PRKCB: variants seen among roughly 807,000 people sequenced by gnomAD.
The protein encoded by PRKCB is protein kinase C beta type.
PRKCB carries 13 observed loss-of-function variants against 81.5 expected under a neutral mutation model. The observed-to-expected ratio is 0.16, with a 90% CI of 0.10 to 0.25. PRKCB has a LOEUF of 0.25. PRKCB is among the 10% of genes least tolerant of loss of function. The probability of loss-of-function intolerance (pLI) is 1.00; values close to 1 mark genes in which losing one functional copy is unlikely to be tolerated. For synonymous variants in PRKCB, 335 were observed against 321.4 expected, an observed-to-expected ratio of 1.04 and a Z score of -0.45; for missense variants, 509 against 875.7, an observed-to-expected ratio of 0.58 and a Z score of 5.29.
intron 16 of PRKCB, among the ~76,000 whole-genome samples, chr16:24,212,738 A>G (rs1418156297): frequency 3.3e-5 from 5 of 151,980 alleles, no homozygotes. Context: ...AAGTGCTGGG[A>G]TTACAGGTGT....
chr16:24,128,798 G>A (rs1966848900), intron 9 of PRKCB, among the ~76,000 whole-genome samples: 1 of 152,196 alleles, frequency 6.6e-6, no homozygotes, highest in Admixed American at 6.5e-5. Flanking sequence ...GTACCCAATA[G>A]GTGGTTTTTC....
At chr16:24,123,427 TG>T in intron 8 of PRKCB, among the ~76,000 whole-genome samples, 4 of 152,280 alleles carry the variant, frequency 2.6e-5, no homozygotes, top group African/African-American at 9.6e-5. Context: ...CTGAAAATGA[TG>T]GGATGCCACT....
chr16:23,989,841 G>A (rs578165235), intron 3 of PRKCB, among the ~76,000 whole-genome samples: 19 of 152,204 alleles, frequency 1.2e-4, no homozygotes, highest in South Asian at 1.2e-3. Flanking sequence ...TGCTTTTCCC[G>A]GCTCTCTTGT....
At chr16:24,113,231 T>C (rs750445449) in intron 8 of PRKCB, among the ~76,000 whole-genome samples, 162 bp downstream of exon 8, 1 of 151,932 alleles carries the variant, frequency 6.6e-6, no homozygotes, top group Non-Finnish European at 1.5e-5. Context: ...CTCCTTTCTT[T>C]CTTTCTTGCT....
intron 5 of PRKCB, among the ~76,000 whole-genome samples, chr16:24,066,782 T>C (rs1003005356): frequency 1.3e-5 from 2 of 152,224 alleles, no homozygotes; most frequent in African/African-American, 4.8e-5. Context: ...GAAGTACTGG[T>C]CAAGTATCTG....
Position 24,096,666 on chromosome 16 carries a change from AATATATATATATAT to A in PRKCB, c.821+2396_821+2409del, listed in dbSNP as rs58341820. Among the ~76,000 whole-genome samples, 245 of 32,712 alleles carry A rather than the reference AATATATATATATAT, an allele frequency of 7.5e-3. 10 individuals carry two copies. Among genetic ancestry groups the A allele is most frequent in the Non-Finnish European group, 8.0e-3 (132 of 16,448 alleles). 21.5% of individuals were successfully genotyped at this position (32,712 alleles called of 152,430 possible). A position where few individuals can be genotyped will look rare whatever the true frequency, so the allele number is the denominator to read the frequency against. ...CCTTCCTATGGCAAAAAAAAAAAAA[AATATATATATATAT>A]ATATATATATATATATATATATATA... On this transcript the variant is annotated intron_variant, in intron 7 of 16. Coordinates refer to ENST00000643927, the MANE Select transcript of PRKCB (RefSeq NM_002738.7).
At chr16:24,049,829 G>C (rs1265335762) in intron 5 of PRKCB, among the ~76,000 whole-genome samples, 2 of 152,232 alleles carry the variant, frequency 1.3e-5, no homozygotes, top group Non-Finnish European at 2.9e-5. Flanking sequence ...CCTTAGCATT[G>C]TGGGTGCTTA....
At chr16:24,158,547 T>TGTATATGTATAA (rs1555500025) in intron 10 of PRKCB, among the ~76,000 whole-genome samples, 34 of 127,728 alleles carry the variant, frequency 2.7e-4, no homozygotes, top group Non-Finnish European at 4.4e-4. Flanking sequence ...TATAAGTATA[T>TGTATATGTATAA]GTATATGTAT....
chr16:24,188,438 C>T (rs903686087), intron 15 of PRKCB, among the ~76,000 whole-genome samples: 6 of 152,080 alleles, frequency 3.9e-5, no homozygotes, highest in Non-Finnish European at 5.9e-5. Context: ...GCAGAGACTC[C>T]GAATTAATGC....
intron 13 of PRKCB, among the ~76,000 whole-genome samples, chr16:24,184,540 A>G (rs1324268044): frequency 6.6e-6 from 1 of 152,222 alleles, no homozygotes; most frequent in Non-Finnish European, 1.5e-5. Flanking sequence ...ACAGAGTTTA[A>G]TATGTATTCA....
At chr16:24,133,575 A>C (rs1401076274) in intron 9 of PRKCB, among the ~76,000 whole-genome samples, 2 of 151,962 alleles carry the variant, frequency 1.3e-5, no homozygotes, top group East Asian at 1.9e-4. Context: ...CTTAACCCTT[A>C]CCAACTCTAC....
chr16:23,998,811 A>G (rs1964993292), intron 3 of PRKCB, among the ~76,000 whole-genome samples: 1 of 152,192 alleles, frequency 6.6e-6, no homozygotes, highest in African/African-American at 2.4e-5. Context: ...AAGGGTGAAG[A>G]ATGAGCAGGT....
rs113301609 is a variant in PRKCB at position 24,003,467 on chromosome 16, C to A, written c.288+14877C>A. Among the ~76,000 whole-genome samples, 660 of 151,640 alleles carry A rather than the reference C, an allele frequency of 4.4e-3. 1 individual carries two copies. The highest frequency in any genetic ancestry group is 5.8e-3 in the Non-Finnish European group (395 of 67,984). ...TGGTACGATCTCAGCTCACTGCAAC[C>A]TCTGCCTCCTGAATTCAAGCAATTC... On this transcript the variant is annotated intron_variant, in intron 3 of 16. Coordinates refer to ENST00000643927, the MANE Select transcript of PRKCB (RefSeq NM_002738.7).
Position 24,218,049 on chromosome 16 carries a change from A to G in PRKCB, c.*3233A>G, listed in dbSNP as rs1596605325. The stretch of plus-strand genomic sequence containing the variant: ...TTCATTCCACAAATAATTACAAACA[A>G]CCTACTGTGTGCCAGGCACTATTCT... On this transcript the variant is annotated 3_prime_UTR_variant, in exon 17 of 17. Transcript: ENST00000643927. 2 of 985,248 alleles carry G rather than the reference A, an allele frequency of 2.0e-6. No individual in the cohort carries two copies. The highest frequency in any genetic ancestry group is 2.4e-6 in the Non-Finnish European group (2 of 829,846). 61.0% of individuals were successfully genotyped at this position (985,248 alleles called of 1,614,324 possible).
intron 3 of PRKCB, among the ~76,000 whole-genome samples, chr16:24,028,550 T>C (rs1965512047): frequency 6.6e-6 from 1 of 152,258 alleles, no homozygotes. Context: ...CCCCATAGTT[T>C]TGTGTTTTTC....
intron 2 of PRKCB, among the ~76,000 whole-genome samples, chr16:23,863,809 A>G (rs939672367): frequency 6.6e-6 from 1 of 152,202 alleles, no homozygotes; most frequent in African/African-American, 2.4e-5. Flanking sequence ...GAAACTATCC[A>G]TCAGCACCAA....
chr16:24,004,281 G>A (rs1171543864), intron 3 of PRKCB, among the ~76,000 whole-genome samples: 2 of 151,954 alleles, frequency 1.3e-5, no homozygotes, highest in Non-Finnish European at 2.9e-5. Context: ...GATGCTTAAA[G>A]CACAGGTTTT....
intron 2 of PRKCB, among the ~76,000 whole-genome samples, chr16:23,901,442 T>C (rs1597236320): frequency 6.6e-6 from 1 of 151,840 alleles, no homozygotes; most frequent in East Asian, 1.9e-4. Context: ...AGACTGGAAG[T>C]TGTGGGGTGT....
At chr16:23,926,345 A>C (rs1022047442) in intron 2 of PRKCB, among the ~76,000 whole-genome samples, 4 of 151,926 alleles carry the variant, frequency 2.6e-5, no homozygotes, top group African/African-American at 9.7e-5. Flanking sequence ...TTAGCTGGGC[A>C]TGATGGCGGG....
Sources: allele counts gnomAD v4.1 joint callset (sites outside exome capture counted in the v4.1 genomes callset), GRCh38; gene constraint gnomAD v4.1.1; transcripts MANE v1.5; gene names NCBI Gene and HGNC (gene_info 2026-07-23, HGNC 2026-07-21).